The following MEF2A variants were observed in gnomAD, a reference collection of about 807,000 sequenced individuals.
MEF2A encodes myocyte-specific enhancer factor 2A.
A neutral mutation model predicts 55.8 loss-of-function variants in MEF2A; 28 were observed. The observed-to-expected ratio is 0.50, with a 90% CI of 0.37 to 0.69. The LOEUF is 0.69. Among genes scored for constraint, MEF2A ranks in the 30% least tolerant of loss-of-function variants. The pLI is 0.00. For missense variants in MEF2A, 528 were observed against 626.2 expected (o/e 0.84, Z 1.67); for synonymous variants, 239 against 227.1 (o/e 1.05, Z -0.47).
chr15:99,693,245 A>G (rs1312144644), intron 8 of MEF2A, among the ~76,000 whole-genome samples: 1 of 152,234 alleles, frequency 6.6e-6, no homozygotes, highest in African/African-American at 2.4e-5. Context: ...GAAGAGTGAA[A>G]ACAAGACAAA....
At chr15:99,601,229 A>G (rs1292235006) in intron 2 of MEF2A, among the ~76,000 whole-genome samples, 1 of 152,170 alleles carries the variant, frequency 6.6e-6, no homozygotes, top group Non-Finnish European at 1.5e-5. Flanking sequence ...TTTTTATATA[A>G]AACTTTATAA....
chr15:99,705,533 C>G (rs2057934037), intron 9 of MEF2A, among the ~76,000 whole-genome samples: 1 of 152,160 alleles, frequency 6.6e-6, no homozygotes. Flanking sequence ...AATGGTGAAT[C>G]TGGGACAGAA....
intron 10 of MEF2A, among the ~76,000 whole-genome samples, chr15:99,710,387 CAT>C (rs1297664191): frequency 2.0e-5 from 3 of 152,176 alleles, no homozygotes; most frequent in African/African-American, 4.8e-5. Flanking sequence ...GGACTACAGG[CAT>C]GCGCCACCAC....
intron 1 of MEF2A, among the ~76,000 whole-genome samples, chr15:99,591,796 A>T (rs1007113923): frequency 6.6e-6 from 1 of 151,924 alleles, no homozygotes; most frequent in Non-Finnish European, 1.5e-5. Context: ...CTTTTTTGAG[A>T]TACTGCACTT....
At chr15:99,602,651 G>GGGGTGGGT (rs1236049172) in intron 2 of MEF2A, among the ~76,000 whole-genome samples, 2 of 98,900 alleles carry the variant, frequency 2.0e-5, no homozygotes, top group Admixed American at 1.1e-4. Flanking sequence ...TGACATTCCT[G>GGGGTGGGT]GGGTGTGTGT....
intron 2 of MEF2A, among the ~76,000 whole-genome samples, chr15:99,599,000 C>T (rs546732988): frequency 2.6e-5 from 4 of 152,144 alleles, no homozygotes; most frequent in African/African-American, 7.2e-5. Flanking sequence ...AAAATGTGGA[C>T]ATTTTTAATG....
chr15:99,668,313 TACTC>T (rs2050188354), intron 4 of MEF2A, among the ~76,000 whole-genome samples: 1 of 152,222 alleles, frequency 6.6e-6, no homozygotes, highest in Admixed American at 6.5e-5. Flanking sequence ...GATTAATAAT[TACTC>T]ATTAATATTG....
At chr15:99,684,735 A>T (rs764989157) in intron 7 of MEF2A, among the ~76,000 whole-genome samples, 1 of 151,970 alleles carries the variant, frequency 6.6e-6, no homozygotes, top group East Asian at 1.9e-4. Flanking sequence ...TCTTTGTCAT[A>T]TTTGCTTTTG....
chr15:99,715,250 ACTT>A lies in MEF2A; in HGVS notation c.*2482_*2484del, dbSNP rs1688932458. ...CGTTATTATTTATGCATGTTCATGA[ACTT>A]CTGCTGTACATTGGAATAGGAGTTA... On this transcript the variant is annotated 3_prime_UTR_variant, in exon 12 of 12. Coordinates refer to ENST00000557942, the MANE Select transcript of MEF2A (RefSeq NM_001319206.4). 1 of 152,152 alleles carries A rather than the reference ACTT, an allele frequency of 6.6e-6. No homozygotes were observed. 9.4% of individuals were successfully genotyped at this position (152,152 alleles called of 1,614,324 possible). A position where few individuals can be genotyped will look rare whatever the true frequency, so the allele number is the denominator to read the frequency against.
chr15:99,708,955 C>T (rs545958157), intron 10 of MEF2A, among the ~76,000 whole-genome samples: 1 of 152,292 alleles, frequency 6.6e-6, no homozygotes, highest in Admixed American at 6.5e-5. Flanking sequence ...GATTTGTAGA[C>T]TATGTCAAGG....
At chr15:99,570,469 T>TA (rs1961715926) in intron 1 of MEF2A, among the ~76,000 whole-genome samples, 1 of 152,192 alleles carries the variant, frequency 6.6e-6, no homozygotes, top group South Asian at 2.1e-4. Flanking sequence ...TTATTAAAAT[T>TA]ATATGCTTGA....
At chr15:99,580,298 T>C (rs1965550878) in intron 1 of MEF2A, among the ~76,000 whole-genome samples, 1 of 152,192 alleles carries the variant, frequency 6.6e-6, no homozygotes, top group Non-Finnish European at 1.5e-5. Flanking sequence ...GGCTGTGCTG[T>C]GTGGTTTGGA....
intron 8 of MEF2A, among the ~76,000 whole-genome samples, chr15:99,695,541 TTGTGTG>T (rs3979129): frequency 1.4e-4 from 20 of 144,778 alleles, no homozygotes; most frequent in African/African-American, 4.5e-4. Flanking sequence ...ATTGTCAGAT[TTGTGTG>T]TGTGTGTGTG....
At chr15:99,704,345 A>G (rs1490850150) in intron 9 of MEF2A, among the ~76,000 whole-genome samples, 1 of 152,194 alleles carries the variant, frequency 6.6e-6, no homozygotes, top group African/African-American at 2.4e-5. Flanking sequence ...TTTTGGGTGT[A>G]GTTTTGTATT....
At chr15:99,592,451 G>C (rs1190139594) in intron 1 of MEF2A, among the ~76,000 whole-genome samples, 1 of 152,122 alleles carries the variant, frequency 6.6e-6, no homozygotes, top group African/African-American at 2.4e-5. Flanking sequence ...TGGTTATTCT[G>C]AATTTAAATG....
chr15:99,705,900 C>T (rs1597307569), intron 9 of MEF2A, among the ~76,000 whole-genome samples: 1 of 152,198 alleles, frequency 6.6e-6, no homozygotes. Context: ...TTCCTCTGAT[C>T]TTTGATTTTC....
At chr15:99,667,475 G>A (rs2050025291) in intron 4 of MEF2A, among the ~76,000 whole-genome samples, 1 of 151,928 alleles carries the variant, frequency 6.6e-6, no homozygotes, top group African/African-American at 2.4e-5. Flanking sequence ...CGCCCGCCTC[G>A]GCCTCCCAAA....
intron 4 of MEF2A, among the ~76,000 whole-genome samples, chr15:99,669,313 A>G (rs1052391589): frequency 1.3e-5 from 2 of 152,218 alleles, no homozygotes; most frequent in Non-Finnish European, 2.9e-5. Flanking sequence ...TTATGATAAG[A>G]TCTGTGTGTA....
intron 2 of MEF2A, among the ~76,000 whole-genome samples, chr15:99,605,332 C>T (rs918517774): frequency 6.6e-6 from 1 of 152,186 alleles, no homozygotes; most frequent in African/African-American, 2.4e-5. Flanking sequence ...CAAATGATTA[C>T]CAACTTTAAT....
Sources: gnomAD v4.1 joint callset for allele counts (sites outside exome capture counted in the v4.1 genomes callset) on GRCh38, gnomAD v4.1.1 for gene constraint, MANE v1.5 for transcripts, NCBI Gene and HGNC (gene_info 2026-07-23, HGNC 2026-07-21) for gene names.